Variants in TMEM200A observed in about 807,000 individuals in gnomAD.
TMEM200A encodes two transmembrane C.
A neutral mutation model predicts 24.3 loss-of-function variants in TMEM200A; 12 were observed. The ratio of observed to expected loss-of-function variants is 0.49; its 90% CI spans 0.32 to 0.80. The LOEUF (loss-of-function observed/expected upper bound fraction) is 0.80. TMEM200A is among the 30% of genes least tolerant of loss of function. The pLI is 0.04. For missense variants in TMEM200A, 545 were observed against 614.4 expected, an observed-to-expected ratio of 0.89 and a Z score of 1.19; for synonymous variants, 224 against 224.4, an observed-to-expected ratio of 1.00 and a Z score of 0.02.
intron 1 of TMEM200A, among the ~76,000 whole-genome samples, chr6:130,377,731 AG>A (rs1778495204): frequency 6.6e-6 from 1 of 152,208 alleles, no homozygotes; most frequent in African/African-American, 2.4e-5. Context: ...GTACTATTTT[AG>A]GCACTGGAAA....
At chr6:130,382,024 T>A in intron 1 of TMEM200A, 3 of 923,252 alleles carry the variant, frequency 3.2e-6, no homozygotes, top group Non-Finnish European at 3.9e-6. Context: ...GAACCTTTTA[T>A]GATCTGGGCT....
chr6:130,429,473 A>T (rs2115204822), intron 2 of TMEM200A, among the ~76,000 whole-genome samples: 1 of 152,268 alleles, frequency 6.6e-6, no homozygotes, highest in African/African-American at 2.4e-5. Flanking sequence ...CCAAATACAT[A>T]CTGGATTTGG....
In TMEM200A at chr6:130,417,599, T is replaced by G. The variant is rs144271078; in HGVS notation, c.-16-22808T>G. 7.2e-3 allele frequency among the ~76,000 whole-genome samples: 1,103 copies of G among 152,212 alleles called. 14 individuals are homozygous for G. Among genetic ancestry groups the G allele is most frequent in the African/African-American group, 0.025 (1,030 of 41,528 alleles). ...TCCTCTACTCAAAGGCTACAACATA[T>G]CTAACAAACAACTCTTTAACCATTT... On this transcript the variant is annotated intron_variant, in intron 2 of 2. Transcript: ENST00000296978.
rs752382060 is a variant in TMEM200A, at chr6:130,441,630, G to A, written c.1208G>A (p.Gly403Asp). ...TCAAAGTCCTTGGACTTAGACCGGG[G>A]TCCCTCCACTCTAACTGTTCAGGCA... The part of the protein sequence containing the change: ...SHSKSLDLDR[G>D]PSTLTVQAEQ... The change falls in exon 3 of 3, where the codon GGT becomes GAT. Residue 403 changes from glycine to aspartate, a missense_variant. Transcript: ENST00000296978. 2 of 1,613,904 alleles carry A rather than the reference G, an allele frequency of 1.2e-6. No individual in the cohort carries two copies. Among genetic ancestry groups the A allele is most frequent in the East Asian group, 2.2e-5 (1 of 44,856 alleles).
chr6:130,416,423 C>G (rs1278538452), intron 2 of TMEM200A, among the ~76,000 whole-genome samples: 1 of 152,092 alleles, frequency 6.6e-6, no homozygotes, highest in Non-Finnish European at 1.5e-5. Flanking sequence ...CAAAACTAAA[C>G]TCTTTCTTCA....
chr6:130,424,460 C>G (rs1779679613), intron 2 of TMEM200A, among the ~76,000 whole-genome samples: 1 of 152,016 alleles, frequency 6.6e-6, no homozygotes, highest in African/African-American at 2.4e-5. Context: ...CCCAAAGTCT[C>G]CAGATGAATA....
chr6:130,389,805 A>G lies in TMEM200A; in HGVS notation c.-17+4569A>G, dbSNP rs183133524. 3.3e-5 allele frequency among the ~76,000 whole-genome samples: 5 copies of G among 152,318 alleles called. No homozygotes were observed. In the South Asian group the frequency reaches 1.0e-3, roughly 32 times the overall value. ...AACTACTCAGTAAAATTTCCAGCCC[A>G]GTTGTGCTAACTAAGGGACTCAGAT... On this transcript the variant is annotated intron_variant, in intron 2 of 2. Coordinates refer to ENST00000296978, the MANE Select transcript of TMEM200A (RefSeq NM_001258277.2).
rs1233798653 is a variant in TMEM200A, at chr6:130,424,884, G to GCTGT, written c.-16-15520_-16-15517dup. Reference sequence around the variant, plus strand: ...CAAATCAATTCATGCTATGCTAGTAGCTGTCTTCCCTTGATTTTCCCGGCT... The same window carrying GCTGT: ...CAAATCAATTCATGCTATGCTAGTAGCTGTCTGTCTTCCCTTGATTTTCCCGGCT... On this transcript the variant is annotated intron_variant, in intron 2 of 2. Transcript: ENST00000296978. Among the ~76,000 whole-genome samples, 7 of 152,210 alleles carry GCTGT rather than the reference G, an allele frequency of 4.6e-5. No homozygotes were observed. In the East Asian group the frequency reaches 1.4e-3, roughly 29 times the overall value.
At chr6:130,412,772 G>C (rs1562563903) in intron 2 of TMEM200A, among the ~76,000 whole-genome samples, 1 of 152,164 alleles carries the variant, frequency 6.6e-6, no homozygotes, top group South Asian at 2.1e-4. Context: ...GGTTGACTTA[G>C]GAGTTACCTA....
chr6:130,377,909 GAAGCCCTCTCTGAT>G (rs1562549969), intron 1 of TMEM200A, among the ~76,000 whole-genome samples: 1 of 152,170 alleles, frequency 6.6e-6, no homozygotes, highest in Non-Finnish European at 1.5e-5. Context: ...CATGGCCAAG[GAAGCCCTCTCTGAT>G]AAGGTCTGAC....
At chr6:130,376,543 A>G (rs1466236662) in intron 1 of TMEM200A, among the ~76,000 whole-genome samples, 1 of 152,192 alleles carries the variant, frequency 6.6e-6, no homozygotes, top group Admixed American at 6.5e-5. Context: ...CTTGGGACTC[A>G]CAAAGTGCTG....
At chr6:130,398,165 A>G (rs1449877313) in intron 2 of TMEM200A, among the ~76,000 whole-genome samples, 1 of 151,790 alleles carries the variant, frequency 6.6e-6, no homozygotes, top group Admixed American at 6.6e-5. Flanking sequence ...TGTTGTTCCC[A>G]TATTTGTGTC....
intron 2 of TMEM200A, among the ~76,000 whole-genome samples, chr6:130,400,063 C>A (rs763260722): frequency 2.6e-5 from 4 of 151,670 alleles, no homozygotes; most frequent in Non-Finnish European, 4.4e-5. Flanking sequence ...TATATACATA[C>A]ACACACATAT....
At chr6:130,416,341 G>C (rs1036005716) in intron 2 of TMEM200A, among the ~76,000 whole-genome samples, 5 of 152,090 alleles carry the variant, frequency 3.3e-5, no homozygotes, top group African/African-American at 9.7e-5. Context: ...CTCTCTCTGT[G>C]TGTGTGTGTG....
At chr6:130,432,019 C>T (rs1035866467) in intron 2 of TMEM200A, among the ~76,000 whole-genome samples, 4 of 152,276 alleles carry the variant, frequency 2.6e-5, no homozygotes, top group African/African-American at 9.6e-5. Context: ...AGAAACAATT[C>T]TCCCCAAGGT....
intron 2 of TMEM200A, among the ~76,000 whole-genome samples, chr6:130,401,693 G>A (rs1513539): frequency 0.49 from 73,923 of 151,532 alleles, 22,152 homozygotes; most frequent in African/African-American, 0.85. Flanking sequence ...TTTTCCTGAA[G>A]GTTTGTACCC....
chr6:130,442,141 T>C lies in TMEM200A; in HGVS notation c.*243T>C, dbSNP rs1374943549. 8.3e-6 allele frequency: 3 copies of C among 361,844 alleles called. No homozygotes were observed. The highest frequency in any genetic ancestry group is 2.1e-5 in the African/African-American group (1 of 47,346). The allele number at this position is 361,844 out of a possible 1,614,324, so 22.4% of individuals were successfully genotyped here. A position where few individuals can be genotyped will look rare whatever the true frequency, so the allele number is the denominator to read the frequency against. ...TTGAAAGCATGATCTCTTTTATTAA[T>C]ATGAATGCAAAATGCTTGCATCCAA... is the stretch of plus-strand genomic sequence containing the variant. On this transcript the variant is annotated 3_prime_UTR_variant, in exon 3 of 3. Transcript: ENST00000296978.
At chr6:130,391,444 A>G (rs73771823) in intron 2 of TMEM200A, among the ~76,000 whole-genome samples, 8,346 of 152,168 alleles carry the variant, frequency 0.055, 763 homozygotes, top group African/African-American at 0.19. Flanking sequence ...GAAATCTGGG[A>G]TAGGATACCT....
At position 130,376,483 on chromosome 6, in the gene TMEM200A, A is replaced by G. The variant is rs185231080; in HGVS notation, c.-80-8690A>G. Among the ~76,000 whole-genome samples, 625 of 152,232 alleles carry G rather than the reference A, an allele frequency of 4.1e-3. 6 individuals carry two copies. Among genetic ancestry groups the G allele is most frequent in the African/African-American group, 0.014 (581 of 41,522 alleles). On this transcript the variant is annotated intron_variant, in intron 1 of 2. Transcript: ENST00000296978. Reference sequence around the variant, plus strand: ...TTTTTAGTAGAGATGAGGTTTCACCATGTTGGCCAGGCTGGGCTTGAACTC... The same window carrying G: ...TTTTTAGTAGAGATGAGGTTTCACCGTGTTGGCCAGGCTGGGCTTGAACTC...
Sources: gnomAD v4.1 joint callset for allele counts (sites outside exome capture counted in the v4.1 genomes callset) on GRCh38, gnomAD v4.1.1 for gene constraint, MANE v1.5 for transcripts, NCBI Gene and HGNC (gene_info 2026-07-23, HGNC 2026-07-21) for gene names.